The following ASIC2 variants were observed in gnomAD, a reference collection of about 807,000 sequenced individuals.
ASIC2 encodes acid sensing ion channel subunit 2, also known as acid-sensing ion channel 2.
Under a neutral mutation model 57.3 loss-of-function variants are expected in ASIC2, and 25 were observed. That is an observed-to-expected ratio of 0.44 (90% CI 0.32 to 0.61). The LOEUF is 0.61. ASIC2 is among the 20% of genes least tolerant of loss of function. The probability of loss-of-function intolerance (pLI) is 0.06; values close to 1 mark genes in which losing one functional copy is unlikely to be tolerated. For missense variants in ASIC2, 641 were observed against 738.1 expected (o/e 0.87, Z 1.52); for synonymous variants, 319 against 307.5 (o/e 1.04, Z -0.39).
chr17:33,260,186 A>G (rs1056407109), intron 1 of ASIC2, among the ~76,000 whole-genome samples: 7 of 152,204 alleles, frequency 4.6e-5, no homozygotes, highest in African/African-American at 1.7e-4. Context: ...CAGTGAACAC[A>G]GGCAGGGGCA....
chr17:33,903,135 T>C (rs1323932320), intron 1 of ASIC2, among the ~76,000 whole-genome samples: 1 of 152,208 alleles, frequency 6.6e-6, no homozygotes. Flanking sequence ...ATTTATTCCT[T>C]TCCAGCAGCC....
At chr17:33,189,734 A>G (rs972258611) in intron 1 of ASIC2, among the ~76,000 whole-genome samples, 2 of 152,168 alleles carry the variant, frequency 1.3e-5, no homozygotes, top group Non-Finnish European at 2.9e-5. Context: ...AGGTCAATTC[A>G]CCAAAAAGAT....
At chr17:33,389,151 G>A (rs1305040263) in intron 1 of ASIC2, among the ~76,000 whole-genome samples, 2 of 151,940 alleles carry the variant, frequency 1.3e-5, no homozygotes, top group African/African-American at 4.8e-5. Context: ...GTAGAGACAG[G>A]GTCTTGCTGT....
rs769714974 is a variant in ASIC2 at position 34,099,645 on chromosome 17, A to AAGAG, written c.555+56329_555+56332dup. 1.7e-4 allele frequency among the ~76,000 whole-genome samples: 26 copies of AAGAG among 149,328 alleles called. No individual in the cohort carries two copies. In the East Asian group the frequency reaches 4.9e-3, roughly 28 times the overall value. On this transcript the variant is annotated intron_variant, in intron 1 of 9. Coordinates refer to the ASIC2 transcript ENST00000359872. ...AAGAAAAAGAAAAAGAAAGAAAGAA[A>AAGAG]AGAGAGGAAGGAAGGAAGGAAAGAA...
chr17:34,124,671 A>G (rs993430544), intron 1 of ASIC2, among the ~76,000 whole-genome samples: 1 of 152,216 alleles, frequency 6.6e-6, no homozygotes. Flanking sequence ...GTCCAAGATC[A>G]GGATGCCAGC....
At chr17:33,405,858 A>T (rs1308219624) in intron 1 of ASIC2, among the ~76,000 whole-genome samples, 2 of 152,030 alleles carry the variant, frequency 1.3e-5, no homozygotes, top group African/African-American at 2.4e-5. Context: ...TCTGGCTCTT[A>T]CACCCCAGGA....
chr17:33,500,907 T>G (rs1442348428), intron 1 of ASIC2, among the ~76,000 whole-genome samples: 11 of 152,278 alleles, frequency 7.2e-5, no homozygotes, highest in African/African-American at 2.7e-4. Flanking sequence ...TATGTGAATG[T>G]GTTTATAGCG....
At chr17:33,269,820 T>C (rs1253317542) in intron 1 of ASIC2, among the ~76,000 whole-genome samples, 2 of 150,428 alleles carry the variant, frequency 1.3e-5, no homozygotes, top group Non-Finnish European at 3.0e-5. Flanking sequence ...GGAATGGTAG[T>C]AAAACTAGTT....
chr17:33,889,957 T>C (rs1914923850), intron 1 of ASIC2, among the ~76,000 whole-genome samples: 1 of 152,126 alleles, frequency 6.6e-6, no homozygotes, highest in Admixed American at 6.5e-5. Flanking sequence ...ATGTCCTCCT[T>C]CTAGCATTTG....
intron 1 of ASIC2, among the ~76,000 whole-genome samples, chr17:33,203,120 G>A (rs184894534): frequency 5.8e-4 from 89 of 152,240 alleles, no homozygotes; most frequent in Non-Finnish European, 9.8e-4. Flanking sequence ...AAACACCTAG[G>A]AGCCCATGGC....
intron 1 of ASIC2, among the ~76,000 whole-genome samples, chr17:33,580,903 C>G (rs1488858770): frequency 6.6e-6 from 1 of 152,136 alleles, no homozygotes; most frequent in African/African-American, 2.4e-5. Context: ...GTTAATGGGC[C>G]ACGGTCATGT....
intron 1 of ASIC2, among the ~76,000 whole-genome samples, chr17:34,019,485 C>T (rs1907082498): frequency 6.6e-6 from 1 of 152,224 alleles, no homozygotes; most frequent in Admixed American, 6.5e-5. Context: ...CTTTCAGCAA[C>T]TACCACCCTC....
chr17:33,365,459 C>T (rs1264538111), intron 1 of ASIC2, among the ~76,000 whole-genome samples: 1 of 151,910 alleles, frequency 6.6e-6, no homozygotes, highest in Non-Finnish European at 1.5e-5. Flanking sequence ...TGCTGAATGG[C>T]TGGATAAATC....
At chr17:34,109,955 T>A (rs539837733) in intron 1 of ASIC2, among the ~76,000 whole-genome samples, 73 of 151,934 alleles carry the variant, frequency 4.8e-4, no homozygotes, top group African/African-American at 1.6e-3. Flanking sequence ...TGTGTGTGTG[T>A]GAGAGAGAAA....
chr17:33,762,955 AGCTGGT>A (rs1486702243), intron 1 of ASIC2, among the ~76,000 whole-genome samples: 5 of 152,170 alleles, frequency 3.3e-5, no homozygotes, highest in African/African-American at 1.2e-4. Context: ...GTTTTATTTA[AGCTGGT>A]AGAGTAGGCC....
intron 3 of ASIC2, among the ~76,000 whole-genome samples, chr17:33,066,080 T>A (rs77472622): frequency 0.027 from 4,167 of 152,204 alleles, 80 homozygotes; most frequent in Middle Eastern, 0.044. Flanking sequence ...CCATTTCCTA[T>A]CAGGATTTCC....
At chr17:33,985,093 AG>A (rs1905769537) in intron 1 of ASIC2, among the ~76,000 whole-genome samples, 1 of 152,200 alleles carries the variant, frequency 6.6e-6, no homozygotes, top group Non-Finnish European at 1.5e-5. Flanking sequence ...TCTTCTAAAC[AG>A]GTGTCAAGAG....
chr17:33,478,767 T>G (rs181149788), intron 1 of ASIC2, among the ~76,000 whole-genome samples: 125 of 152,324 alleles, frequency 8.2e-4, no homozygotes, highest in Non-Finnish European at 1.2e-3. Flanking sequence ...TGCCCAAGGT[T>G]CTGCAATCAG....
chr17:33,321,546 G>A (rs997226915), intron 1 of ASIC2, among the ~76,000 whole-genome samples: 2 of 152,110 alleles, frequency 1.3e-5, no homozygotes, highest in Admixed American at 6.5e-5. Flanking sequence ...TTATTCCTAT[G>A]TAGTACCTCT....
Sources: gnomAD v4.1 joint callset for allele counts (sites outside exome capture counted in the v4.1 genomes callset) on GRCh38, gnomAD v4.1.1 for gene constraint, MANE v1.5 for transcripts, NCBI Gene and HGNC (gene_info 2026-07-23, HGNC 2026-07-21) for gene names.